Variants in ANKRD28 observed in about 807,000 individuals in gnomAD.
The protein encoded by ANKRD28 is ankyrin repeat domain 28, also known as serine/threonine-protein phosphatase 6 regulatory ankyrin repeat subunit A.
Under a neutral mutation model 126.5 loss-of-function variants are expected in ANKRD28, and 44 were observed. The ratio of observed to expected loss-of-function variants is 0.35; its 90% confidence interval spans 0.27 to 0.45. ANKRD28 has a LOEUF of 0.45. Among genes scored for constraint, ANKRD28 ranks in the 20% least tolerant of loss-of-function variants. ANKRD28 has a pLI of 1.00. For synonymous variants in ANKRD28, 442 were observed against 468.5 expected (o/e 0.94, Z 0.73); for missense variants, 1,110 against 1,316.6 (o/e 0.84, Z 2.43).
intron 4 of ANKRD28, among the ~76,000 whole-genome samples, chr3:15,739,893 G>C (rs1302144224): frequency 6.6e-6 from 1 of 152,162 alleles, no homozygotes; most frequent in South Asian, 2.1e-4. Context: ...AAGATATATG[G>C]AGGCCTATCA....
chr3:15,805,430 T>C (rs1285968812), intron 1 of ANKRD28, among the ~76,000 whole-genome samples: 1 of 152,176 alleles, frequency 6.6e-6, no homozygotes, highest in Admixed American at 6.5e-5. Context: ...AATATCCTAG[T>C]CAATCTGATT....
intron 6 of ANKRD28, among the ~76,000 whole-genome samples, chr3:15,731,402 C>T (rs926626397): frequency 6.6e-6 from 1 of 152,202 alleles, no homozygotes; most frequent in South Asian, 2.1e-4. Context: ...TACAGTTTTA[C>T]ATCACATAAC....
chr3:15,815,006 T>C lies in ANKRD28; in HGVS notation c.28-19700A>G, dbSNP rs1024746648. Among the ~76,000 whole-genome samples the C allele has an allele frequency of 4.0e-5, 6 of 151,552 alleles. No homozygotes were observed. In the East Asian group the frequency reaches 9.7e-4, roughly 24 times the overall value. On this transcript the variant is annotated intron_variant, in intron 1 of 27. Transcript: ENST00000399451. The surrounding 1 kb of genome is among the most constrained non-coding windows in gnomAD (Gnocchi z 4.1). Reference sequence around the variant, plus strand: ...GGACCTTAAATATTCCGCAACACCCTGAATATGACATTCCATTCAAAAATA... The same window carrying C: ...GGACCTTAAATATTCCGCAACACCCCGAATATGACATTCCATTCAAAAATA...
intron 1 of ANKRD28, among the ~76,000 whole-genome samples, chr3:15,851,787 T>C (rs534829711): frequency 6.6e-6 from 1 of 152,164 alleles, no homozygotes; most frequent in Non-Finnish European, 1.5e-5. Flanking sequence ...TCCATTCCTA[T>C]ATCCCAGAGA....
chr3:15,762,214 CAAAACAAAAAAAA>C (rs2058515042), intron 3 of ANKRD28, among the ~76,000 whole-genome samples: 2 of 52,560 alleles, frequency 3.8e-5, no homozygotes, highest in African/African-American at 9.3e-5. Flanking sequence ...AAAAAAAAAA[CAAAACAAAAAAAA>C]AAAAACTCTC....
chr3:15,859,406 C>T, exon 1 of ANKRD28: 1 of 1,526,462 alleles, frequency 6.6e-7, no homozygotes, highest in South Asian at 1.2e-5. Context: ...AACGCCATGG[C>T]GGTCGCCTCC....
At chr3:15,743,049 T>G (rs1482609554) in intron 4 of ANKRD28, among the ~76,000 whole-genome samples, 1 of 152,102 alleles carries the variant, frequency 6.6e-6, no homozygotes, top group Admixed American at 6.5e-5. Flanking sequence ...TCTTCTGCCT[T>G]GTGATCCTGT....
intron 2 of ANKRD28, among the ~76,000 whole-genome samples, chr3:15,769,994 T>C (rs2058921103): frequency 6.6e-6 from 1 of 151,262 alleles, no homozygotes. Flanking sequence ...ACTGAACACC[T>C]GTCAGTGGAC....
At position 15,696,317 on chromosome 3, in the gene ANKRD28, A is replaced by G. The variant is rs545058911; in HGVS notation, c.1548-72T>C. The G allele has an allele frequency of 1.0e-5, 10 of 983,408 alleles. No individual in the cohort carries two copies. The East Asian group carries it at 2.7e-4, about 26-fold the overall frequency. The allele number at this position is 983,408 out of a possible 1,614,324, so 60.9% of individuals were successfully genotyped here. Reference sequence around the variant, plus strand: ...TTAACCAATGATAAAAAGAGACTGAAATTAAAAACTGACAATTTTTCTTAT... The same window carrying G: ...TTAACCAATGATAAAAAGAGACTGAGATTAAAAACTGACAATTTTTCTTAT... On this transcript the variant is annotated intron_variant, in intron 14 of 27. Transcript: ENST00000683139.
chr3:15,812,487 T>C lies in ANKRD28; in HGVS notation c.28-17181A>G, dbSNP rs950735531. Among the ~76,000 whole-genome samples, 5 of 152,168 alleles carry C rather than the reference T, an allele frequency of 3.3e-5. No individual in the cohort carries two copies. Among genetic ancestry groups the C allele is most frequent in the Non-Finnish European group, 7.3e-5 (5 of 68,028 alleles). On this transcript the variant is annotated intron_variant, in intron 1 of 27. Coordinates refer to the ANKRD28 transcript ENST00000399451. This position sits in a 1 kb window ranked among gnomAD's most constrained non-coding sequence, Gnocchi z 4.1. ...ACTCTGCCTTTTCTCCAACACACATTCCAGGAAAGAAAAGGTAAACTGGCT... is the reference window on the plus strand; with the variant it reads ...ACTCTGCCTTTTCTCCAACACACATCCCAGGAAAGAAAAGGTAAACTGGCT...
intron 5 of ANKRD28, among the ~76,000 whole-genome samples, chr3:15,736,285 G>C (rs1034815310): frequency 6.6e-6 from 1 of 151,912 alleles, no homozygotes; most frequent in Non-Finnish European, 1.5e-5. Context: ...TTTTATCATC[G>C]GTATGTATAG....
rs1418223588 is a variant in ANKRD28, at chr3:15,850,224, T to TATATATACAG, written c.27+9152_27+9153insCTGTATATAT. ...AAAAAAATATATATATATATATATA[T>TATATATACAG]AGAGAGAGAGAGAGAGAGAGAGAGA... On this transcript the variant is annotated intron_variant, in intron 1 of 27. Transcript: ENST00000399451. 8.5e-5 allele frequency among the ~76,000 whole-genome samples: 3 copies of TATATATACAG among 35,112 alleles called. 1 individual carries two copies. The highest frequency in any genetic ancestry group is 2.4e-4 in the African/African-American group (3 of 12,612). The allele number at this position is 35,112 out of a possible 152,430, so 23.0% of individuals were successfully genotyped here. A position where few individuals can be genotyped will look rare whatever the true frequency, so the allele number is the denominator to read the frequency against.
intron 3 of ANKRD28, chr3:15,756,430 C>T (rs67348202): frequency 0.1 from 85,776 of 861,688 alleles, 5,766 homozygotes; most frequent in East Asian, 0.59. Flanking sequence ...AAATGTCTAG[C>T]TATTCGGAAA....
intron 1 of ANKRD28, among the ~76,000 whole-genome samples, chr3:15,837,123 A>T: frequency 6.6e-6 from 1 of 151,964 alleles, no homozygotes; most frequent in African/African-American, 2.4e-5. Flanking sequence ...AAACCATAAA[A>T]ACCATACGGA....
At chr3:15,693,223 T>C (rs1011543551) in intron 17 of ANKRD28, among the ~76,000 whole-genome samples, 24 of 152,146 alleles carry the variant, frequency 1.6e-4, no homozygotes, top group Non-Finnish European at 3.1e-4. Context: ...ACTGTACAAT[T>C]AGAAATGGTT....
At chr3:15,829,002 A>G (rs2061131172) in intron 1 of ANKRD28, among the ~76,000 whole-genome samples, 1 of 152,186 alleles carries the variant, frequency 6.6e-6, no homozygotes, top group South Asian at 2.1e-4. Flanking sequence ...AGAGAGACAA[A>G]CTTAGATATC....
At chr3:15,767,173 T>C (rs2058778707) in intron 2 of ANKRD28, among the ~76,000 whole-genome samples, 1 of 152,216 alleles carries the variant, frequency 6.6e-6, no homozygotes, top group African/African-American at 2.4e-5. Context: ...GCATGCTTCA[T>C]GGACCTCCTA....
intron 2 of ANKRD28, among the ~76,000 whole-genome samples, chr3:15,778,088 G>C (rs894059026): frequency 2.0e-5 from 3 of 152,042 alleles, no homozygotes; most frequent in African/African-American, 7.2e-5. Context: ...AGCTCCTTTC[G>C]TGGTCTCCCA....
intron 14 of ANKRD28, 52 bp from the exon 15 acceptor site, chr3:15,696,297 C>G (rs2069541152): frequency 1.7e-6 from 2 of 1,181,920 alleles, no homozygotes; most frequent in Non-Finnish European, 2.4e-6. Flanking sequence ...GCATATTAAC[C>G]AATGATAAAA....
Sources: allele counts gnomAD v4.1 joint callset (sites outside exome capture counted in the v4.1 genomes callset), GRCh38; gene constraint gnomAD v4.1.1; non-coding constraint Gnocchi (gnomAD v3.1); transcripts MANE v1.5; gene names NCBI Gene and HGNC (gene_info 2026-07-23, HGNC 2026-07-21).